The following THADA variants were observed in gnomAD, a reference collection of about 807,000 sequenced individuals.
THADA encodes the protein THADA armadillo repeat containing.
A neutral mutation model predicts 219.8 loss-of-function variants in THADA; 213 were observed. The observed-to-expected ratio is 0.97, with a 90% CI of 0.87 to 1.09. The LOEUF (loss-of-function observed/expected upper bound fraction) is 1.09. Among genes scored for constraint, THADA ranks in the 50% least tolerant of loss-of-function variants. The pLI is 0.00. For missense variants in THADA, 2,956 were observed against 2,311.3 expected, an observed-to-expected ratio of 1.28 and a Z score of -5.72; for synonymous variants, 1,018 against 828.9, an observed-to-expected ratio of 1.23 and a Z score of -3.92.
chr2:43,244,663 A>G (rs1371377006), intron 36 of THADA, among the ~76,000 whole-genome samples: 1 of 152,208 alleles, frequency 6.6e-6, no homozygotes, highest in African/African-American at 2.4e-5. Context: ...TGCATTTGGC[A>G]TTCTTGCATT....
rs1198508152 is a variant in THADA, at chr2:43,572,964, C to A, written c.1758G>T (p.Gly586=). ...TGQEQSFPSL[G]SCNSRGALGA... is the part of the protein sequence containing the mutation. ...CCAGAGCCCCCCTGCTATTACAAGA[C>A]CCTAAGGATGGGAAAGATTGCTCTT... The change falls in exon 12 of 38, where the codon GGG becomes GGT. Residue 586 remains glycine, a synonymous_variant. Transcript: ENST00000405975. 6.2e-7 allele frequency: 1 copy of A among 1,613,784 alleles called. No individual in the cohort carries two copies. Among genetic ancestry groups the A allele is most frequent in the East Asian group, 2.2e-5 (1 of 44,872 alleles).
At chr2:43,512,322 G>C (rs902678666) in intron 22 of THADA, among the ~76,000 whole-genome samples, 2 of 152,068 alleles carry the variant, frequency 1.3e-5, no homozygotes, top group East Asian at 3.8e-4. Flanking sequence ...TCTACCACCG[G>C]TTCCCATTCC....
intron 36 of THADA, among the ~76,000 whole-genome samples, chr2:43,267,255 T>C (rs1244147783): frequency 6.6e-6 from 1 of 152,228 alleles, no homozygotes; most frequent in African/African-American, 2.4e-5. Context: ...TTTGGATACA[T>C]GTAAAGGAAG....
rs752366089 is a variant in THADA, at chr2:43,560,264, C to T, written c.2433G>A (p.Met811Ile). 1 of 1,612,346 alleles carries T rather than the reference C, an allele frequency of 6.2e-7. No individual in the cohort carries two copies. Among genetic ancestry groups the T allele is most frequent in the Admixed American group, 1.7e-5 (1 of 59,800 alleles). Residue 811 changes from methionine to isoleucine, a missense_variant, in exon 16 of 38, where the codon ATG becomes ATA. Transcript: ENST00000405975. ...DVKILAFDLL[M>I]KLSKTAVHFQ... The stretch of plus-strand genomic sequence containing the variant: ...AATGTACAGCTGTTTTTGATAACTT[C>T]ATCAGAAGATCAAATGCTAAAATTT...
chr2:43,479,626 A>G (rs1473670582), intron 26 of THADA, among the ~76,000 whole-genome samples: 1 of 151,768 alleles, frequency 6.6e-6, no homozygotes, highest in Admixed American at 6.5e-5. Flanking sequence ...AAAAAAAAAA[A>G]GTTAACTTCT....
intron 36 of THADA, among the ~76,000 whole-genome samples, chr2:43,244,019 C>A (rs1237958677): frequency 6.6e-6 from 1 of 152,078 alleles, no homozygotes; most frequent in African/African-American, 2.4e-5. Context: ...ATTTCAAAAT[C>A]TTTATTATTA....
intron 24 of THADA, among the ~76,000 whole-genome samples, chr2:43,503,488 C>T (rs1172852637): frequency 2.6e-5 from 4 of 152,110 alleles, no homozygotes; most frequent in African/African-American, 9.7e-5. Flanking sequence ...GATGAAAATG[C>T]TTGGGAATGA....
At chr2:43,314,060 C>T (rs989403198) in intron 31 of THADA, among the ~76,000 whole-genome samples, 6 of 152,160 alleles carry the variant, frequency 3.9e-5, no homozygotes, top group Non-Finnish European at 8.8e-5. Context: ...ATTATTATAG[C>T]CCCCTACAAA....
At chr2:43,397,904 A>T in intron 29 of THADA, 67 bp downstream of exon 29, 1 of 1,522,768 alleles carries the variant, frequency 6.6e-7, no homozygotes, top group Non-Finnish European at 9.0e-7. Flanking sequence ...ACCAGCTAAC[A>T]GTACATAAGA....
intron 29 of THADA, among the ~76,000 whole-genome samples, chr2:43,367,856 C>T (rs991318596): frequency 9.2e-5 from 14 of 152,204 alleles, no homozygotes; most frequent in Non-Finnish European, 1.6e-4. Context: ...CGGTGGCTCA[C>T]GCCTGTAATC....
rs556434522 is a variant in THADA, at chr2:43,531,059, C to T, written c.3265-3071G>A. On this transcript the variant is annotated intron_variant, in intron 21 of 37. Transcript: ENST00000405975. The stretch of plus-strand genomic sequence containing the variant: ...TTCTTTAGCACCATGTAAAATGCTT[C>T]ACAGCTTAATGCTGTGGTAGATAGA... Among the ~76,000 whole-genome samples, 8 of 152,302 alleles carry T rather than the reference C, an allele frequency of 5.3e-5. 1 individual carries two copies. The South Asian group carries it at 1.7e-3, about 32-fold the overall frequency.
At chr2:43,460,089 G>C (rs1306552083) in intron 26 of THADA, among the ~76,000 whole-genome samples, 1 of 152,010 alleles carries the variant, frequency 6.6e-6, no homozygotes, top group African/African-American at 2.4e-5. Flanking sequence ...TAACTACCCT[G>C]AACAAGGACC....
intron 31 of THADA, among the ~76,000 whole-genome samples, chr2:43,298,061 G>T (rs1572968280): frequency 9.1e-6 from 1 of 109,962 alleles, no homozygotes; most frequent in East Asian, 2.1e-4. Flanking sequence ...GAAGTGAGGA[G>T]CCCCTCTGCC....
At chr2:43,231,429 C>A in intron 37 of THADA, 86 bp from the exon 38 acceptor site, 1 of 1,370,724 alleles carries the variant, frequency 7.3e-7, no homozygotes, top group Non-Finnish European at 9.6e-7. Context: ...CTGCCAGATG[C>A]AAGAGGGGTT....
chr2:43,310,380 C>T (rs1448496195), intron 31 of THADA, among the ~76,000 whole-genome samples: 1 of 152,052 alleles, frequency 6.6e-6, no homozygotes, highest in East Asian at 1.9e-4. Flanking sequence ...GTGCTCCTGG[C>T]ATAAGGATAG....
intron 29 of THADA, among the ~76,000 whole-genome samples, chr2:43,381,578 TAA>T (rs1489306725): frequency 6.6e-6 from 1 of 151,438 alleles, no homozygotes; most frequent in Non-Finnish European, 1.5e-5. Flanking sequence ...TCAACAGTGA[TAA>T]GTCTTTTTTT....
At chr2:43,302,360 G>A (rs1197454257) in intron 31 of THADA, among the ~76,000 whole-genome samples, 1 of 151,878 alleles carries the variant, frequency 6.6e-6, no homozygotes, top group Non-Finnish European at 1.5e-5. Context: ...TGTTTGGAAA[G>A]TCTTTGTACT....
chr2:43,399,845 G>C (rs935004857), intron 28 of THADA, among the ~76,000 whole-genome samples: 1 of 152,202 alleles, frequency 6.6e-6, no homozygotes, highest in South Asian at 2.1e-4. Flanking sequence ...TGGTAAGGGT[G>C]GGGGTCGGGG....
rs113445501 is a variant in THADA, at chr2:43,584,634, T to G, written c.533+1767A>C. On this transcript the variant is annotated intron_variant, in intron 7 of 37. Coordinates refer to ENST00000405975, the MANE Select transcript of THADA (RefSeq NM_022065.5). ...AGGCAACCAATATGCAACAAGACAA[T>G]AACAATAGTATTTCAGAAGCTGCAA... 9.6e-3 allele frequency among the ~76,000 whole-genome samples: 1,466 copies of G among 152,106 alleles called. 19 individuals are homozygous for G. Among genetic ancestry groups the G allele is most frequent in the African/African-American group, 0.032 (1,327 of 41,494 alleles).
Sources: allele counts gnomAD v4.1 joint callset (sites outside exome capture counted in the v4.1 genomes callset), GRCh38; gene constraint gnomAD v4.1.1; transcripts MANE v1.5; gene names NCBI Gene and HGNC (gene_info 2026-07-23, HGNC 2026-07-21).